MAP2K5: variants seen among roughly 807,000 people sequenced by gnomAD.
MAP2K5 encodes mitogen-activated protein kinase kinase 5.
In MAP2K5, 49 loss-of-function variants were observed where a neutral mutation model predicts 83.1. The ratio of observed to expected loss-of-function variants is 0.59; its 90% confidence interval spans 0.47 to 0.75. The LOEUF is 0.75. Ranked by LOEUF, MAP2K5 falls within the 30% of genes least tolerant of loss-of-function variation. The pLI, the probability that MAP2K5 is intolerant of heterozygous loss-of-function variation, is 0.00. For synonymous variants in MAP2K5, 202 were observed against 191.8 expected (o/e 1.05, Z -0.44); for missense variants, 457 against 557.5 (o/e 0.82, Z 1.82).
intron 13 of MAP2K5, among the ~76,000 whole-genome samples, chr15:67,674,012 C>A (rs2087616185): frequency 6.6e-6 from 1 of 152,078 alleles, no homozygotes; most frequent in East Asian, 1.9e-4. Flanking sequence ...CCATGCCCGG[C>A]TAATTTTTGT....
At position 67,780,890 on chromosome 15, in the gene MAP2K5, A is replaced by G. The variant is rs1395346302; in HGVS notation, c.1242+8138A>G. ...CTGACCAGGTGGTGATCAGCAGCAC[A>G]TATGATCTTTGGTATGCATTCTGAC... On this transcript the variant is annotated intron_variant, in intron 21 of 21. Transcript: ENST00000178640. This position sits in a 1 kb window ranked among gnomAD's most constrained non-coding sequence, Gnocchi z 5.0. Among the ~76,000 whole-genome samples, 1 of 152,222 alleles carries G rather than the reference A, an allele frequency of 6.6e-6. No individual in the cohort carries two copies. Among genetic ancestry groups the G allele is most frequent in the Non-Finnish European group, 1.5e-5 (1 of 68,032 alleles).
chr15:67,588,489 C>A (rs538733180), intron 6 of MAP2K5, among the ~76,000 whole-genome samples: 6 of 152,206 alleles, frequency 3.9e-5, no homozygotes, highest in African/African-American at 7.2e-5. Flanking sequence ...ATTATAATCA[C>A]CCCTGTCCTC....
rs1040927800 is a variant in MAP2K5 at position 67,652,573 on chromosome 15, C to T, written c.737-5980C>T. ...TCATGAGGGATCCACTCCTTTGACC[C>T]AAACACCTCTCACGAGGCCCCATCT... On this transcript the variant is annotated intron_variant, in intron 11 of 21. Coordinates refer to ENST00000178640, the MANE Select transcript of MAP2K5 (RefSeq NM_145160.3). The surrounding 1 kb of genome is among the most constrained non-coding windows in gnomAD (Gnocchi z 4.2). Among the ~76,000 whole-genome samples, 5 of 152,108 alleles carry T rather than the reference C, an allele frequency of 3.3e-5. No homozygotes were observed. Among genetic ancestry groups the T allele is most frequent in the African/African-American group, 1.2e-4 (5 of 41,406 alleles).
intron 9 of MAP2K5, 84 bp downstream of exon 9, chr15:67,631,011 AGAG>A: frequency 1.8e-6 from 2 of 1,118,780 alleles, no homozygotes; most frequent in Non-Finnish European, 2.7e-6. Context: ...ATATTGTCAA[AGAG>A]GAGATGAAAT....
chr15:67,639,541 C>T (rs534168715), intron 9 of MAP2K5, among the ~76,000 whole-genome samples: 6 of 152,134 alleles, frequency 3.9e-5, no homozygotes, highest in Non-Finnish European at 7.4e-5. Context: ...TTCTAAGTGC[C>T]GGTGACCCCC....
intron 7 of MAP2K5, among the ~76,000 whole-genome samples, chr15:67,596,813 A>G (rs531309099): frequency 2.0e-5 from 3 of 152,212 alleles, no homozygotes; most frequent in East Asian, 3.9e-4. Context: ...CCTCCTTCAC[A>G]TCTATTATTC....
At position 67,654,280 on chromosome 15, in the gene MAP2K5, G is replaced by T. The variant is rs187831049; in HGVS notation, c.737-4273G>T. On this transcript the variant is annotated intron_variant, in intron 11 of 21. Coordinates refer to ENST00000178640, the MANE Select transcript of MAP2K5 (RefSeq NM_145160.3). Reference sequence around the variant, plus strand: ...ATTGATCCTTTTATCATTAGAAAATGTCTTTGTCTCTAGTAACAATATTTA... The same window carrying T: ...ATTGATCCTTTTATCATTAGAAAATTTCTTTGTCTCTAGTAACAATATTTA... Among the ~76,000 whole-genome samples, 110 of 152,162 alleles carry T rather than the reference G, an allele frequency of 7.2e-4. 1 individual carries two copies. In the East Asian group the frequency reaches 7.3e-3, roughly 10 times the overall value.
At chr15:67,796,764 AAAAC>A (rs2090612050) in intron 21 of MAP2K5, among the ~76,000 whole-genome samples, 1 of 152,202 alleles carries the variant, frequency 6.6e-6, no homozygotes, top group Non-Finnish European at 1.5e-5. Context: ...TATATAATAA[AAAAC>A]AAATAGTAGC....
chr15:67,571,021 A>T lies in MAP2K5; in HGVS notation c.252+7671A>T, dbSNP rs559039005. Among the ~76,000 whole-genome samples, 14 of 152,284 alleles carry T rather than the reference A, an allele frequency of 9.2e-5. No homozygotes were observed. The South Asian group carries it at 2.9e-3, about 32-fold the overall frequency. ...GCCTGGTATCTCCTCTGTACGTGAG[A>T]CTTGCTGCTGAATAAGTTGGAAGGT... On this transcript the variant is annotated intron_variant, in intron 3 of 21. Transcript: ENST00000178640.
chr15:67,641,408 T>C, intron 9 of MAP2K5: 1 of 739,096 alleles, frequency 1.4e-6, no homozygotes, highest in Non-Finnish European at 1.7e-6. Flanking sequence ...GAATAGCAGC[T>C]TAATTTGACC....
intron 9 of MAP2K5, among the ~76,000 whole-genome samples, chr15:67,639,748 G>A (rs2086674762): frequency 1.3e-5 from 2 of 152,222 alleles, no homozygotes; most frequent in African/African-American, 2.4e-5. Flanking sequence ...TTTGAATCCT[G>A]TGTGTCTTTT....
rs1241345316 is a variant in MAP2K5 at position 67,559,314 on chromosome 15, C to T, written c.185-3969C>T. Among the ~76,000 whole-genome samples the T allele has an allele frequency of 6.6e-6, 1 of 152,128 alleles. No individual in the cohort carries two copies. Among genetic ancestry groups the T allele is most frequent in the East Asian group, 1.9e-4 (1 of 5,188 alleles). On this transcript the variant is annotated intron_variant, in intron 2 of 21. Coordinates refer to ENST00000178640, the MANE Select transcript of MAP2K5 (RefSeq NM_145160.3). This position sits in a 1 kb window ranked among gnomAD's most constrained non-coding sequence, Gnocchi z 4.7. ...CTTGAAAGCCTTCTTGAGCCCCTGT[C>T]ACTGCAGTGGGTGCTGTTTGGCTGA... is the stretch of plus-strand genomic sequence containing the variant.
intron 19 of MAP2K5, among the ~76,000 whole-genome samples, chr15:67,756,102 C>T (rs1032193821): frequency 2.6e-5 from 4 of 152,226 alleles, no homozygotes; most frequent in Admixed American, 2.0e-4. Context: ...TTGCCACAGT[C>T]CTATCTCTCT....
chr15:67,566,664 T>A (rs2084846679), intron 3 of MAP2K5, among the ~76,000 whole-genome samples: 1 of 152,208 alleles, frequency 6.6e-6, no homozygotes, highest in African/African-American at 2.4e-5. Context: ...AAAAACAAAT[T>A]TGCAACCTCT....
Position 67,565,362 on chromosome 15 carries a change from TGG to T in MAP2K5, c.252+2014_252+2015del, listed in dbSNP as rs373300582. The stretch of plus-strand genomic sequence containing the variant: ...CTCCTGCCTCAGCCTCCTGAGTAGC[TGG>T]GATTACAGGCACCCACCACCATGCC... On this transcript the variant is annotated intron_variant, in intron 3 of 21. Coordinates refer to ENST00000178640, the MANE Select transcript of MAP2K5 (RefSeq NM_145160.3). The surrounding 1 kb of genome is among the most constrained non-coding windows in gnomAD (Gnocchi z 4.1). Among the ~76,000 whole-genome samples, 38 of 152,322 alleles carry T rather than the reference TGG, an allele frequency of 2.5e-4. 1 individual carries two copies. The highest frequency in any genetic ancestry group is 2.1e-3 in the Admixed American group (32 of 15,300).
rs944380408 is a variant in MAP2K5 at position 67,781,605 on chromosome 15, A to G, written c.1242+8853A>G. Among the ~76,000 whole-genome samples, 14 of 152,138 alleles carry G rather than the reference A, an allele frequency of 9.2e-5. No homozygotes were observed. Among genetic ancestry groups the G allele is most frequent in the African/African-American group, 3.4e-4 (14 of 41,418 alleles). On this transcript the variant is annotated intron_variant, in intron 21 of 21. Transcript: ENST00000178640. This position sits in a 1 kb window ranked among gnomAD's most constrained non-coding sequence, Gnocchi z 4.0. The stretch of plus-strand genomic sequence containing the variant: ...CTGGAGTGTGGACTAGTTTCTTTCC[A>G]GTATCGTGGTTTACCGTTTCTCTGG...
rs553950757 is a variant in MAP2K5, at chr15:67,575,450, C to T, written c.253-5304C>T. On this transcript the variant is annotated intron_variant, in intron 3 of 21. Transcript: ENST00000178640. ...CTAGGTCACCCATCAGCACAGATGT[C>T]TTCACACTGCTTCGCCAGCCTCTGA... Among the ~76,000 whole-genome samples the T allele has an allele frequency of 2.5e-4, 38 of 152,278 alleles. 1 individual carries two copies. The highest frequency in any genetic ancestry group is 6.8e-3 in the Middle Eastern group (2 of 292).
rs1280040557 is a variant in MAP2K5, at chr15:67,783,784, C to T, written c.1242+11032C>T. Among the ~76,000 whole-genome samples the T allele has an allele frequency of 1.3e-5, 2 of 152,076 alleles. No individual in the cohort carries two copies. The highest frequency in any genetic ancestry group is 2.9e-5 in the Non-Finnish European group (2 of 68,002). On this transcript the variant is annotated intron_variant, in intron 21 of 21. Transcript: ENST00000178640. The surrounding 1 kb of genome is among the most constrained non-coding windows in gnomAD (Gnocchi z 5.1). ...TTTCTGCTAGGGGTATCTGGGGAGG[C>T]TTTGAGAATGGAGTGACAGGTGAGC... is the stretch of plus-strand genomic sequence containing the variant.
chr15:67,553,504 A>G (rs1027930216), intron 2 of MAP2K5, among the ~76,000 whole-genome samples: 14 of 152,240 alleles, frequency 9.2e-5, no homozygotes, highest in Non-Finnish European at 1.3e-4. Flanking sequence ...TGTTTGGATT[A>G]TCATGTACTT....
Sources: allele counts gnomAD v4.1 joint callset (sites outside exome capture counted in the v4.1 genomes callset), GRCh38; gene constraint gnomAD v4.1.1; non-coding constraint Gnocchi (gnomAD v3.1); transcripts MANE v1.5; gene names NCBI Gene and HGNC (gene_info 2026-07-23, HGNC 2026-07-21).